VPS13A: variants seen among roughly 807,000 people sequenced by gnomAD.
VPS13A encodes the protein intermembrane lipid transfer protein VPS13A.
Under a neutral mutation model 390.9 loss-of-function variants are expected in VPS13A, and 264 were observed. That is an observed-to-expected ratio of 0.68 (90% confidence interval 0.61 to 0.75). The LOEUF is 0.75. Among genes scored for constraint, VPS13A ranks in the 30% least tolerant of loss-of-function variants. The pLI, the probability that VPS13A is intolerant of heterozygous loss-of-function variation, is 0.00. For synonymous variants in VPS13A, 1,231 were observed against 1,227.1 expected, an observed-to-expected ratio of 1.00 and a Z score of -0.07; for missense variants, 3,409 against 3,733.9, an observed-to-expected ratio of 0.91 and a Z score of 2.27.
chr9:77,248,768 A>C (rs749163757), intron 20 of VPS13A, among the ~76,000 whole-genome samples: 1 of 151,434 alleles, frequency 6.6e-6, no homozygotes, highest in Non-Finnish European at 1.5e-5. Flanking sequence ...GTCTCACTCT[A>C]TTGTCCAGGC....
At chr9:77,348,009 T>G (rs933670087) in intron 52 of VPS13A, among the ~76,000 whole-genome samples, 4 of 152,132 alleles carry the variant, frequency 2.6e-5, no homozygotes, top group Admixed American at 2.0e-4. Context: ...ATAGGAACGC[T>G]TTTACACTGT....
Position 77,323,215 on chromosome 9 carries a change from C to T in VPS13A, c.5979C>T (p.Arg1993=), listed in dbSNP as rs41289971. 13,278 of 1,613,050 alleles carry T rather than the reference C, an allele frequency of 8.2e-3. 69 individuals carry two copies. The highest frequency in any genetic ancestry group is 0.01 in the Non-Finnish European group (12,381 of 1,179,296). ...TVEGSKKVTI[R]SPVQIRNHFS... ...AAGGAAGTAAGAAGGTCACAATTCG[C>T]TCCCCAGTGCAGGTATGAAATGATC... Residue 1993 remains arginine (R), a synonymous_variant, in exon 45 of 72, where the codon CGC becomes CGT. Transcript: ENST00000360280.
intron 45 of VPS13A, among the ~76,000 whole-genome samples, chr9:77,325,289 C>T (rs1829952217): frequency 6.6e-6 from 1 of 152,144 alleles, no homozygotes; most frequent in Non-Finnish European, 1.5e-5. Flanking sequence ...GCCGTGCAGC[C>T]CACTTCTTAA....
At chr9:77,207,252 T>TATATATATAA in intron 5 of VPS13A, among the ~76,000 whole-genome samples, 1,223 of 87,096 alleles carry the variant, frequency 0.014, 83 homozygotes, top group Non-Finnish European at 0.021. Context: ...TATATATATA[T>TATATATATAA]AAAACGTGTT....
chr9:77,276,330 C>A, intron 26 of VPS13A, 109 bp downstream of exon 26: 2 of 1,010,966 alleles, frequency 2.0e-6, no homozygotes, highest in Non-Finnish European at 2.8e-6. Flanking sequence ...CTGAAATATT[C>A]TCAGAGAACC....
At chr9:77,287,650 C>A (rs764711114) in intron 31 of VPS13A, among the ~76,000 whole-genome samples, 1 of 152,036 alleles carries the variant, frequency 6.6e-6, no homozygotes, top group Non-Finnish European at 1.5e-5. Flanking sequence ...ATTCACGTGG[C>A]GTATTAGGAT....
Position 77,419,860 on chromosome 9 carries a change from G to A in VPS13A, c.*3854G>A, listed in dbSNP as rs1185321222. 1 of 152,116 alleles carries A rather than the reference G, an allele frequency of 6.6e-6. No homozygotes were observed. Among genetic ancestry groups the A allele is most frequent in the African/African-American group, 2.4e-5 (1 of 41,428 alleles). The allele number at this position is 152,116 out of a possible 1,614,324, so 9.4% of individuals were successfully genotyped here. The stretch of plus-strand genomic sequence containing the variant: ...AGGTGGCAAAGGCCTTTAAAAATGG[G>A]GAGCTAATACGTAGGGCACATTCTG... On this transcript the variant is annotated 3_prime_UTR_variant, in exon 72 of 72. Coordinates refer to ENST00000360280, the MANE Select transcript of VPS13A (RefSeq NM_033305.3).
chr9:77,241,652 T>TA (rs1414408715), intron 19 of VPS13A, among the ~76,000 whole-genome samples: 2 of 152,140 alleles, frequency 1.3e-5, no homozygotes. Flanking sequence ...CTTAGAATAT[T>TA]ATTTGGGAGA....
intron 45 of VPS13A, among the ~76,000 whole-genome samples, chr9:77,331,284 T>G (rs1293334281): frequency 6.6e-6 from 1 of 152,084 alleles, no homozygotes; most frequent in African/African-American, 2.4e-5. Context: ...TTTTACTAAG[T>G]TTTTGCTGAA....
At chr9:77,196,693 G>T (rs925470103) in intron 1 of VPS13A, among the ~76,000 whole-genome samples, 1 of 151,534 alleles carries the variant, frequency 6.6e-6, no homozygotes, top group South Asian at 2.1e-4. Context: ...TTTTAAATGG[G>T]GAATAGTATT....
rs1282319220 is a variant in VPS13A at position 77,369,335 on chromosome 9, G to C, written c.8590G>C (p.Asp2864His). The C allele has an allele frequency of 6.2e-7, 1 of 1,613,786 alleles. No homozygotes were observed. The highest frequency in any genetic ancestry group is 8.5e-7 in the Non-Finnish European group (1 of 1,179,784). Residue 2864 changes from aspartate (D) to histidine (H), a missense_variant, in exon 63 of 72, where the codon GAT (aspartate) becomes CAT (histidine). Around this residue, in one of 5 missense-constraint regions of VPS13A, gnomAD observed 30 missense variants for 63.4 expected, o/e 0.47. Transcript: ENST00000360280. ...GATGTATGTACTCATTCTTGGACTT[G>C]ATGTTTTGGGAAATCCATTTGGCTT... ...KQMYVLILGL[D>H]VLGNPFGLIR... is the part of the protein sequence containing the mutation.
chr9:77,395,768 C>T (rs893935256), intron 68 of VPS13A: 1 of 151,978 alleles, frequency 6.6e-6, no homozygotes, highest in Non-Finnish European at 1.5e-5. Context: ...CATTTTTGTC[C>T]TCTTTGGCAA....
chr9:77,349,958 A>G (rs1326532894), intron 52 of VPS13A, among the ~76,000 whole-genome samples: 2 of 152,130 alleles, frequency 1.3e-5, no homozygotes, highest in East Asian at 1.9e-4. Context: ...TTATCTTCTA[A>G]TAACGATCCT....
At chr9:77,379,006 T>C (rs1833271692) in intron 67 of VPS13A, among the ~76,000 whole-genome samples, 1 of 151,750 alleles carries the variant, frequency 6.6e-6, no homozygotes, top group African/African-American at 2.4e-5. Flanking sequence ...ATTTCTCTTA[T>C]TTACACATTT....
chr9:77,293,979 T>C (rs1377796351), intron 32 of VPS13A, among the ~76,000 whole-genome samples: 1 of 152,070 alleles, frequency 6.6e-6, no homozygotes, highest in East Asian at 1.9e-4. Context: ...TCGTAGCTCA[T>C]TGTAACCTTG....
chr9:77,210,783 G>A (rs991914211), intron 7 of VPS13A, 108 bp downstream of exon 7: 5 of 1,146,636 alleles, frequency 4.4e-6, no homozygotes, highest in East Asian at 2.4e-5. Context: ...TATGTAGAAC[G>A]GGTGCACAAA....
intron 21 of VPS13A, among the ~76,000 whole-genome samples, chr9:77,250,979 G>A (rs1487314963): frequency 6.6e-6 from 1 of 152,168 alleles, no homozygotes; most frequent in African/African-American, 2.4e-5. Flanking sequence ...CATATGTAGA[G>A]ATCTAAGTGT....
chr9:77,415,883 C>G (rs1835151697), intron 71 of VPS13A, 73 bp from the exon 72 acceptor site: 2 of 1,554,862 alleles, frequency 1.3e-6, no homozygotes, highest in African/African-American at 2.7e-5. Context: ...ACTTCTAGAT[C>G]TCCATTCATT....
In VPS13A at chr9:77,367,023, C is replaced by T. The variant is rs1160800186; in HGVS notation, c.8471+151C>T. On this transcript the variant is annotated intron_variant, in intron 61 of 71. Transcript: ENST00000360280. ...TTCAAGTGAAGTGCAATCTGAATAA[C>T]ACCAACGTATGATTTGCTAACCCCT... The T allele has an allele frequency of 3.4e-5, 23 of 677,474 alleles. No homozygotes were observed. In the East Asian group the frequency reaches 4.7e-4, roughly 14 times the overall value. 42.0% of individuals were successfully genotyped at this position (677,474 alleles called of 1,614,324 possible).
Sources: allele counts gnomAD v4.1 joint callset (sites outside exome capture counted in the v4.1 genomes callset), GRCh38; gene constraint gnomAD v4.1.1; regional missense constraint gnomAD v4.1.1; transcripts MANE v1.5; gene names NCBI Gene and HGNC (gene_info 2026-07-23, HGNC 2026-07-21).